The following NMT2 variants were observed in gnomAD, a reference collection of about 807,000 sequenced individuals.
The protein encoded by NMT2 is glycylpeptide N-tetradecanoyltransferase 2.
Under a neutral mutation model 65.4 loss-of-function variants are expected in NMT2, and 35 were observed. The ratio of observed to expected loss-of-function variants is 0.54; its 90% confidence interval spans 0.41 to 0.71. The LOEUF (loss-of-function observed/expected upper bound fraction) is 0.71. Ranked by LOEUF, NMT2 falls within the 30% of genes least tolerant of loss-of-function variation. NMT2 has a pLI of 0.00. For synonymous variants in NMT2, 226 were observed against 231.8 expected (o/e 0.98, Z 0.23); for missense variants, 489 against 611.3 (o/e 0.80, Z 2.11).
intron 5 of NMT2, 35 bp downstream of exon 5, chr10:15,133,018 G>A (rs763893957): frequency 9.4e-6 from 15 of 1,597,130 alleles, no homozygotes; most frequent in South Asian, 3.3e-5. Context: ...AGTCAGCAGC[G>A]CCTATCCACG....
chr10:15,118,181 G>A (rs1329451386), intron 9 of NMT2, among the ~76,000 whole-genome samples: 1 of 152,200 alleles, frequency 6.6e-6, no homozygotes, highest in Non-Finnish European at 1.5e-5. Context: ...GGAGATCAAC[G>A]AAATAGAATA....
At chr10:15,133,686 A>C (rs985156253) in intron 3 of NMT2, among the ~76,000 whole-genome samples, 7 of 152,172 alleles carry the variant, frequency 4.6e-5, no homozygotes, top group African/African-American at 1.7e-4. Flanking sequence ...TCCTGGGCTC[A>C]AGCGATCCTC....
At chr10:15,155,291 G>A (rs938439190) in intron 1 of NMT2, 14 of 1,371,654 alleles carry the variant, frequency 1.0e-5, no homozygotes, top group Admixed American at 1.7e-5. Flanking sequence ...TGTTGATGGC[G>A]ATGTTGAAGA....
chr10:15,125,960 T>C (rs529407572), intron 8 of NMT2, among the ~76,000 whole-genome samples: 11 of 150,818 alleles, frequency 7.3e-5, no homozygotes, highest in South Asian at 4.3e-4. Context: ...CCACCGCGCC[T>C]GGCCGAAGAT....
chr10:15,135,422 C>A lies in NMT2; in HGVS notation c.247-4G>T, dbSNP rs184982372. The A allele has an allele frequency of 5.3e-5, 86 of 1,613,548 alleles. No individual in the cohort carries two copies. Among genetic ancestry groups the A allele is most frequent in the Admixed American group, 3.2e-4 (19 of 59,924 alleles). On this transcript the variant is annotated splice_region_variant and splice_polypyrimidine_tract_variant and intron_variant, in intron 2 of 11. Coordinates refer to ENST00000378165, the MANE Select transcript of NMT2 (RefSeq NM_004808.3). The stretch of plus-strand genomic sequence containing the variant: ...TCTGCATTGGAACACTGGGATTCTA[C>A]GACAGCAAAGACAGACACAGAATAT...
rs758027543 is a variant in NMT2, at chr10:15,133,341, A to G, written c.414T>C (p.Gly138=). 2.5e-6 allele frequency: 4 copies of G among 1,613,530 alleles called. No homozygotes were observed. In the South Asian group the frequency reaches 4.4e-5, roughly 18 times the overall value. The change falls in exon 4 of 12, where the codon GGT becomes GGC. Residue 138 remains glycine (G), a synonymous_variant. Transcript: ENST00000378165. The part of the protein sequence containing the change: ...PKLDEVITSH[G]AIEPDKDNVR... Reference sequence around the variant, plus strand: ...CGTTGTCTTTATCTGGTTCAATTGCACCATGAGATGTTATGACTTCATCTG... The same window carrying G: ...CGTTGTCTTTATCTGGTTCAATTGCGCCATGAGATGTTATGACTTCATCTG...
intron 9 of NMT2, among the ~76,000 whole-genome samples, chr10:15,117,777 A>G (rs1462158030): frequency 1.3e-5 from 2 of 152,228 alleles, no homozygotes; most frequent in Non-Finnish European, 2.9e-5. Context: ...ACACAACACC[A>G]TTATAATCGC....
chr10:15,119,264 G>A lies in NMT2; in HGVS notation c.1170+79C>T, dbSNP rs1169829082. 8 of 1,193,756 alleles carry A rather than the reference G, an allele frequency of 6.7e-6. No homozygotes were observed. In the African/African-American group the frequency reaches 9.1e-5, roughly 14 times the overall value. 73.9% of individuals were successfully genotyped at this position (1,193,756 alleles called of 1,614,324 possible). The stretch of plus-strand genomic sequence containing the variant: ...GTTCTGTGATGAAATAGAAGGAAGT[G>A]TGTGTAAATAATTCTGCTGCACGCT... On this transcript the variant is annotated intron_variant, in intron 9 of 11. Transcript: ENST00000378165.
chr10:15,107,589 T>A lies in NMT2; in HGVS notation c.*1606A>T. 6.5e-6 allele frequency: 3 copies of A among 459,286 alleles called. No individual in the cohort carries two copies. Among genetic ancestry groups the A allele is most frequent in the Non-Finnish European group, 8.6e-6 (3 of 349,492 alleles). 28.5% of individuals were successfully genotyped at this position (459,286 alleles called of 1,614,324 possible). A position where few individuals can be genotyped will look rare whatever the true frequency, so the allele number is the denominator to read the frequency against. On this transcript the variant is annotated 3_prime_UTR_variant, in exon 12 of 12. Transcript: ENST00000378165. ...TGCCTCAGCCTCCTAGCAGCTGGGA[T>A]TACAGGCACCCGCCACCACACCCAG...
chr10:15,168,447 G>T, intron 1 of NMT2, 56 bp downstream of exon 1: 1 of 1,345,802 alleles, frequency 7.4e-7, no homozygotes, highest in Non-Finnish European at 1.0e-6. Flanking sequence ...ACGGGAGACC[G>T]TGGCGCGCGC....
rs1832786908 is a variant in NMT2, at chr10:15,151,102, A to T, written c.111-9545T>A. On this transcript the variant is annotated intron_variant, in intron 1 of 11. Transcript: ENST00000378165. Reference sequence around the variant, plus strand: ...AGACGGAGTTTCACTCTTGCTGCCCAGGCTGGAGTGCAATGGTGCAATCTC... The same window carrying T: ...AGACGGAGTTTCACTCTTGCTGCCCTGGCTGGAGTGCAATGGTGCAATCTC... Among the ~76,000 whole-genome samples, 4 of 143,804 alleles carry T rather than the reference A, an allele frequency of 2.8e-5. No individual in the cohort carries two copies. The South Asian group carries it at 8.6e-4, about 31-fold the overall frequency. The allele number at this position is 143,804 out of a possible 152,430, so 94.3% of individuals were successfully genotyped here.
chr10:15,145,809 G>A (rs1259570685), intron 1 of NMT2, among the ~76,000 whole-genome samples: 2 of 152,234 alleles, frequency 1.3e-5, no homozygotes, highest in East Asian at 3.8e-4. Context: ...CAGATCAGGA[G>A]TCAGCTGTGG....
rs35457996 is a variant in NMT2 at position 15,162,251 on chromosome 10, CAAAAAA to C, written c.110+6246_110+6251del. 4.4e-5 allele frequency among the ~76,000 whole-genome samples: 3 copies of C among 68,148 alleles called. No individual in the cohort carries two copies. The East Asian group carries it at 1.2e-3, about 27-fold the overall frequency. 44.7% of individuals were successfully genotyped at this position (68,148 alleles called of 152,430 possible). On this transcript the variant is annotated intron_variant, in intron 1 of 11. Transcript: ENST00000378165. ...CAGATGACAGAGTGAGACCTTGTCT[CAAAAAA>C]AAAAAAAAAAAAAAAGTGTACAGAT...
At position 15,107,400 on chromosome 10, in the gene NMT2, T is replaced by G; in HGVS notation, c.*1795A>C. On this transcript the variant is annotated 3_prime_UTR_variant, in exon 12 of 12. Transcript: ENST00000378165. The stretch of plus-strand genomic sequence containing the variant: ...GGAAATGCCATCATGTCTAAAACAA[T>G]TAACTTCTGCACTGAACTTCCTAGG... 2 of 985,450 alleles carry G rather than the reference T, an allele frequency of 2.0e-6. No homozygotes were observed. The highest frequency in any genetic ancestry group is 2.4e-6 in the Non-Finnish European group (2 of 829,932). 61.0% of individuals were successfully genotyped at this position (985,450 alleles called of 1,614,324 possible).
intron 2 of NMT2, among the ~76,000 whole-genome samples, chr10:15,140,618 A>G (rs989621026): frequency 6.6e-6 from 1 of 151,680 alleles, no homozygotes; most frequent in African/African-American, 2.4e-5. Flanking sequence ...CCTGGGCTCA[A>G]TGGATCCTCC....
intron 1 of NMT2, among the ~76,000 whole-genome samples, chr10:15,144,226 C>G (rs1010221819): frequency 2.0e-5 from 3 of 152,150 alleles, no homozygotes; most frequent in African/African-American, 7.2e-5. Context: ...TGACAGGGAG[C>G]TACAGAAATG....
chr10:15,148,283 G>A (rs1218742368), intron 1 of NMT2, among the ~76,000 whole-genome samples: 1 of 152,218 alleles, frequency 6.6e-6, no homozygotes, highest in African/African-American at 2.4e-5. Context: ...GACAAGGCAG[G>A]AGGGCTGCTT....
intron 1 of NMT2, among the ~76,000 whole-genome samples, chr10:15,165,163 C>CA (rs34775170): frequency 0.1 from 12,690 of 125,906 alleles, 960 homozygotes; most frequent in African/African-American, 0.22. Context: ...AACTCCATCT[C>CA]AAAAAAAAAA....
At chr10:15,141,087 G>T in intron 2 of NMT2, 1 of 1,423,672 alleles carries the variant, frequency 7.0e-7, no homozygotes, top group Non-Finnish European at 9.7e-7. Flanking sequence ...TCTTCTGAAC[G>T]AAAAGTAATC....
Sources: allele counts gnomAD v4.1 joint callset (sites outside exome capture counted in the v4.1 genomes callset), GRCh38; gene constraint gnomAD v4.1.1; transcripts MANE v1.5; gene names NCBI Gene and HGNC (gene_info 2026-07-23, HGNC 2026-07-21).